Variants in UPF2 observed in about 807,000 individuals in gnomAD.
UPF2 encodes the protein UPF2 regulator of nonsense mediated mRNA decay.
UPF2 carries 17 observed loss-of-function variants against 141.4 expected under a neutral mutation model. The ratio of observed to expected loss-of-function variants is 0.12; its 90% CI spans 0.08 to 0.18. The LOEUF (loss-of-function observed/expected upper bound fraction) is 0.18. Ranked by LOEUF, UPF2 falls within the 10% of genes least tolerant of loss-of-function variation. The pLI, the probability that UPF2 is intolerant of heterozygous loss-of-function variation, is 1.00. For missense variants in UPF2, 1,152 were observed against 1,515.9 expected (o/e 0.76, Z 3.99); for synonymous variants, 540 against 498.0 (o/e 1.08, Z -1.12).
At chr10:11,986,803 A>G (rs565461564) in intron 8 of UPF2, among the ~76,000 whole-genome samples, 25 of 152,328 alleles carry the variant, frequency 1.6e-4, no homozygotes, top group African/African-American at 5.1e-4. Context: ...GTGGTGCAAC[A>G]TACTAACAGA....
At position 12,004,595 on chromosome 10, in the gene UPF2, G is replaced by A; in HGVS notation, c.1439C>T (p.Ala480Val). 6.2e-7 allele frequency: 1 copy of A among 1,613,612 alleles called. No homozygotes were observed. The highest frequency in any genetic ancestry group is 8.5e-7 in the Non-Finnish European group (1 of 1,179,848). ...TTTTTCATTGTCTTTAAACAAGATG[G>A]CTGGGACAAAAGCCTTCAAATCAAT... ...NLIDLKAFVP[A>V]ILFKDNEKSC... Residue 480 changes from alanine (A) to valine (V), a missense_variant, in exon 5 of 22, where the codon GCC becomes GTC. Ala to Val is a moderately conservative substitution (Grantham distance 64). Around this residue, in one of 4 missense-constraint regions of UPF2, gnomAD observed 739 missense variants for 1,032.2 expected, o/e 0.72. Coordinates refer to ENST00000357604, the MANE Select transcript of UPF2 (RefSeq NM_015542.4).
chr10:12,035,096 T>C lies in UPF2; in HGVS notation c.328A>G (p.Lys110Glu), dbSNP rs774280662. 2 of 1,582,196 alleles carry C rather than the reference T, an allele frequency of 1.3e-6. No homozygotes were observed. The highest frequency in any genetic ancestry group is 1.4e-5 in the African/African-American group (1 of 72,648). ...GCTGCTTCTTCTTCTTGCTGACGTT[T>C]GGCCTGCTCTTCTTGCTTCTTTCTC... ...EERKKQEEQA[K>E]RQQEEEAAAQ... The change falls in exon 2 of 22, where the codon AAA (lysine) becomes GAA (glutamate). Residue 110 changes from lysine to glutamate, a missense_variant. Around this residue, in one of 4 missense-constraint regions of UPF2, gnomAD observed 145 missense variants for 136.5 expected, o/e 1.06. Transcript: ENST00000357604.
At chr10:11,952,675 T>C (rs916451525) in intron 14 of UPF2, among the ~76,000 whole-genome samples, 10 of 151,918 alleles carry the variant, frequency 6.6e-5, no homozygotes, top group East Asian at 1.9e-4. Context: ...GGGGTTTCAC[T>C]GTGTTAGCCA....
chr10:12,006,048 T>C (rs1834030194), intron 4 of UPF2, among the ~76,000 whole-genome samples: 1 of 151,438 alleles, frequency 6.6e-6, no homozygotes, highest in Non-Finnish European at 1.5e-5. Flanking sequence ...CCCAGCTAAT[T>C]TTTCCATTTT....
chr10:11,975,348 A>G (rs1044249621), intron 9 of UPF2, among the ~76,000 whole-genome samples: 3 of 152,230 alleles, frequency 2.0e-5, no homozygotes, highest in African/African-American at 4.8e-5. Flanking sequence ...TAGAACGGAA[A>G]AGAATTCCTC....
chr10:11,932,933 T>C (rs905505704), intron 19 of UPF2, among the ~76,000 whole-genome samples: 1 of 152,194 alleles, frequency 6.6e-6, no homozygotes, highest in African/African-American at 2.4e-5. Context: ...AACTATACTA[T>C]GTTATGCATT....
chr10:11,985,721 TGTCACATCAGTCACATTAAA>T (rs1445679008), intron 8 of UPF2, among the ~76,000 whole-genome samples: 1 of 151,612 alleles, frequency 6.6e-6, no homozygotes, highest in Non-Finnish European at 1.5e-5. Context: ...GAGTGCAAAA[TGTCACATCAGTCACATTAAA>T]GTCACATCAG....
intron 13 of UPF2, 85 bp from the exon 14 acceptor site, chr10:11,955,592 A>C (rs1047132208): frequency 9.2e-6 from 12 of 1,308,968 alleles, no homozygotes; most frequent in Middle Eastern, 2.6e-4. Flanking sequence ...TAACTTGAAA[A>C]TATCTATTAC....
chr10:11,947,701 T>G (rs907466775), intron 16 of UPF2, among the ~76,000 whole-genome samples: 4 of 149,646 alleles, frequency 2.7e-5, no homozygotes, highest in African/African-American at 9.9e-5. Flanking sequence ...GTGGGAGGAT[T>G]GCTTGAGCCC....
chr10:11,957,435 A>C (rs1409499892), intron 12 of UPF2, among the ~76,000 whole-genome samples: 1 of 151,144 alleles, frequency 6.6e-6, no homozygotes, highest in East Asian at 2.0e-4. Context: ...TCTCAAACAA[A>C]AACAAAAACA....
chr10:12,001,968 T>G (rs1489264785), intron 5 of UPF2, 143 bp from the exon 6 acceptor site: 16 of 755,460 alleles, frequency 2.1e-5, no homozygotes, highest in Non-Finnish European at 3.0e-5. Context: ...ATATTTAGAT[T>G]TTATAAAACA....
intron 15 of UPF2, among the ~76,000 whole-genome samples, chr10:11,951,195 TG>T (rs768509099): frequency 1.4e-4 from 21 of 152,128 alleles, no homozygotes; most frequent in Non-Finnish European, 2.9e-4. Context: ...CCTGAGTAGC[TG>T]GGATTACAGG....
intron 2 of UPF2, among the ~76,000 whole-genome samples, chr10:12,030,305 G>A (rs1394801284): frequency 2.6e-5 from 4 of 151,546 alleles, no homozygotes; most frequent in South Asian, 2.1e-4. Context: ...TTTGGGAGGC[G>A]GGTGGATCAC....
intron 16 of UPF2, 68 bp from the exon 17 acceptor site, chr10:11,943,236 A>G: frequency 2.4e-6 from 3 of 1,258,776 alleles, no homozygotes; most frequent in South Asian, 1.3e-5. Flanking sequence ...CATGCCTTAA[A>G]AAGATTTCAA....
At chr10:11,962,991 A>G (rs1308299131) in intron 11 of UPF2, among the ~76,000 whole-genome samples, 1 of 152,054 alleles carries the variant, frequency 6.6e-6, no homozygotes, top group African/African-American at 2.4e-5. Context: ...ATTTCCCATA[A>G]TGTATTTCAA....
At position 11,939,285 on chromosome 10, in the gene UPF2, AC is replaced by A. The variant is rs1476231354; in HGVS notation, c.3379-2574del. Among the ~76,000 whole-genome samples, 4 of 152,206 alleles carry A rather than the reference AC, an allele frequency of 2.6e-5. No homozygotes were observed. In the East Asian group the frequency reaches 7.7e-4, roughly 29 times the overall value. Reference sequence around the variant, plus strand: ...TGTAAAGCACTTGATGCAGGGCCCAACAGTCTTCATAATTATTGGAGTGTTT... The same window carrying A: ...TGTAAAGCACTTGATGCAGGGCCCAAAGTCTTCATAATTATTGGAGTGTTT... On this transcript the variant is annotated intron_variant, in intron 18 of 21. Coordinates refer to ENST00000357604, the MANE Select transcript of UPF2 (RefSeq NM_015542.4). The surrounding 1 kb of genome is among the most constrained non-coding windows in gnomAD (Gnocchi z 4.8).
In UPF2 at chr10:11,939,628, A is replaced by C. The variant is rs75335392; in HGVS notation, c.3379-2916T>G. On this transcript the variant is annotated intron_variant, in intron 18 of 21. Coordinates refer to ENST00000357604, the MANE Select transcript of UPF2 (RefSeq NM_015542.4). This position sits in a 1 kb window ranked among gnomAD's most constrained non-coding sequence, Gnocchi z 4.8. ...CTCCCAGGTTCAAGTGATTCTCCTG[A>C]CTCAGCCTCCTGAGTAGCTGGGATT... Among the ~76,000 whole-genome samples the C allele has an allele frequency of 8.6e-5, 13 of 150,794 alleles. No individual in the cohort carries two copies. Among genetic ancestry groups the C allele is most frequent in the African/African-American group, 3.2e-4 (13 of 40,928 alleles).
intron 14 of UPF2, 42 bp from the exon 15 acceptor site, chr10:11,952,291 T>TA (rs1215950817): frequency 6.7e-7 from 1 of 1,488,572 alleles, no homozygotes; most frequent in Non-Finnish European, 9.0e-7. Context: ...AAGAAATTAG[T>TA]AACAAAATAT....
chr10:11,924,472 C>T (rs532827442), intron 21 of UPF2, among the ~76,000 whole-genome samples: 19 of 152,012 alleles, frequency 1.2e-4, no homozygotes, highest in Non-Finnish European at 2.5e-4. Context: ...CCCAGCCACT[C>T]GGGAGGCTAA....
Sources: allele counts gnomAD v4.1 joint callset (sites outside exome capture counted in the v4.1 genomes callset), GRCh38; gene constraint gnomAD v4.1.1; regional missense constraint gnomAD v4.1.1; non-coding constraint Gnocchi (gnomAD v3.1); transcripts MANE v1.5; gene names NCBI Gene and HGNC (gene_info 2026-07-23, HGNC 2026-07-21).